The following WWOX variants were observed in gnomAD, a reference collection of about 807,000 sequenced individuals.
WWOX encodes WW domain-containing oxidoreductase.
A neutral mutation model predicts 46.2 loss-of-function variants in WWOX; 69 were observed. The observed-to-expected ratio is 1.49, with a 90% confidence interval of 1.23 to 1.82. The LOEUF (loss-of-function observed/expected upper bound fraction) is 1.82, where lower values mean the gene tolerates loss of function less well. Ranked by LOEUF, WWOX falls within the 40% of genes most tolerant of loss-of-function variation. The probability of loss-of-function intolerance (pLI) is 0.00; values close to 1 mark genes in which losing one functional copy is unlikely to be tolerated. For synonymous variants in WWOX, 359 were observed against 202.6 expected, an observed-to-expected ratio of 1.77 and a Z score of -6.56; for missense variants, 919 against 542.6, an observed-to-expected ratio of 1.69 and a Z score of -6.89.
At chr16:78,189,192 G>C (rs1008650131) in intron 5 of WWOX, among the ~76,000 whole-genome samples, 4 of 152,180 alleles carry the variant, frequency 2.6e-5, no homozygotes, top group Admixed American at 2.6e-4. Flanking sequence ...GGAATACCTA[G>C]ATTCCAGAGG....
Position 78,584,204 on chromosome 16 carries a change from C to T in WWOX, c.1056+151452C>T, listed in dbSNP as rs191001574. 2.0e-4 allele frequency among the ~76,000 whole-genome samples: 30 copies of T among 152,310 alleles called. No homozygotes were observed. In the East Asian group the frequency reaches 5.4e-3, roughly 27 times the overall value. ...CAAGGCCTGGCATAATCATTGTCAT[C>T]ACCATCACCATAGCTAGTATTTATT... On this transcript the variant is annotated intron_variant, in intron 8 of 8. Coordinates refer to ENST00000566780, the MANE Select transcript of WWOX (RefSeq NM_016373.4).
intron 8 of WWOX, among the ~76,000 whole-genome samples, chr16:78,919,883 C>T (rs918339897): frequency 2.0e-5 from 3 of 152,094 alleles, no homozygotes; most frequent in African/African-American, 7.2e-5. Context: ...GCAGACCAGT[C>T]TGTACAGTTG....
At chr16:78,876,029 A>G (rs912020077) in intron 8 of WWOX, among the ~76,000 whole-genome samples, 1 of 152,116 alleles carries the variant, frequency 6.6e-6, no homozygotes, top group Non-Finnish European at 1.5e-5. Flanking sequence ...TTTTATAAAC[A>G]GGCTCCATGG....
chr16:78,161,666 GC>G (rs1395407616), intron 4 of WWOX, among the ~76,000 whole-genome samples: 2 of 152,058 alleles, frequency 1.3e-5, no homozygotes, highest in African/African-American at 4.8e-5. Flanking sequence ...TGTTGCCCAA[GC>G]TGGTCACAAG....
chr16:78,384,259 G>A (rs781441113), intron 5 of WWOX, among the ~76,000 whole-genome samples: 57 of 152,084 alleles, frequency 3.7e-4, no homozygotes, highest in Admixed American at 1.5e-3. Context: ...TCACATTTCT[G>A]TAAGATTCTG....
intron 8 of WWOX, among the ~76,000 whole-genome samples, chr16:78,677,573 C>A (rs1357452230): frequency 6.6e-6 from 1 of 152,198 alleles, no homozygotes; most frequent in Non-Finnish European, 1.5e-5. Flanking sequence ...TTCAGACATG[C>A]AACCCCCAAA....
At chr16:78,663,822 C>G (rs1474077356) in intron 8 of WWOX, among the ~76,000 whole-genome samples, 1 of 152,146 alleles carries the variant, frequency 6.6e-6, no homozygotes, top group East Asian at 1.9e-4. Context: ...AAATCTCAAG[C>G]ACAGGTGCAG....
chr16:78,512,972 A>T (rs1356803652), intron 8 of WWOX, among the ~76,000 whole-genome samples: 2 of 152,236 alleles, frequency 1.3e-5, no homozygotes, highest in African/African-American at 4.8e-5. Context: ...GCTGTGGGTC[A>T]TCACAGCTGC....
chr16:79,026,360 C>G (rs903590670), intron 8 of WWOX, among the ~76,000 whole-genome samples: 1 of 151,692 alleles, frequency 6.6e-6, no homozygotes, highest in Non-Finnish European at 1.5e-5. Context: ...CAGATCTCAG[C>G]TCACACATCA....
intron 5 of WWOX, among the ~76,000 whole-genome samples, chr16:78,257,031 C>A (rs900638367): frequency 6.6e-6 from 1 of 151,964 alleles, no homozygotes; most frequent in Non-Finnish European, 1.5e-5. Context: ...GACTTGAGGC[C>A]GTGTCTTTTA....
chr16:78,786,713 A>G (rs1355492853), intron 8 of WWOX, among the ~76,000 whole-genome samples: 2 of 152,226 alleles, frequency 1.3e-5, no homozygotes, highest in African/African-American at 2.4e-5. Context: ...AGTTTGTCAT[A>G]TCACTCAATC....
intron 8 of WWOX, among the ~76,000 whole-genome samples, chr16:79,131,535 A>G (rs1023792182): frequency 2.0e-5 from 3 of 152,196 alleles, no homozygotes; most frequent in African/African-American, 7.2e-5. Flanking sequence ...GTTGAGTGCA[A>G]GACGGGGACA....
chr16:78,741,734 A>C (rs2049232885), intron 8 of WWOX, among the ~76,000 whole-genome samples: 2 of 152,128 alleles, frequency 1.3e-5, no homozygotes, highest in Non-Finnish European at 2.9e-5. Flanking sequence ...GGTGCTCTGT[A>C]GTCTCAGCTA....
intron 5 of WWOX, among the ~76,000 whole-genome samples, chr16:78,271,947 A>T (rs1196081993): frequency 6.6e-6 from 1 of 152,194 alleles, no homozygotes; most frequent in South Asian, 2.1e-4. Context: ...CAGCCAGGTC[A>T]GGCAGATGGA....
chr16:78,443,838 T>C (rs1749856756), intron 8 of WWOX, among the ~76,000 whole-genome samples: 1 of 152,186 alleles, frequency 6.6e-6, no homozygotes, highest in African/African-American at 2.4e-5. Flanking sequence ...TCCTCCCCTC[T>C]TTCAGTTTCC....
chr16:78,400,218 C>T (rs1051881473), intron 6 of WWOX, among the ~76,000 whole-genome samples: 1 of 152,080 alleles, frequency 6.6e-6, no homozygotes, highest in Admixed American at 6.6e-5. Flanking sequence ...TAATTTATAA[C>T]CAAAAACAGG....
intron 8 of WWOX, among the ~76,000 whole-genome samples, chr16:78,490,569 GAGAA>G (rs2084757434): frequency 6.6e-6 from 1 of 152,184 alleles, no homozygotes; most frequent in Admixed American, 6.5e-5. Context: ...TGGGACGGAG[GAGAA>G]AGAAGACAGG....
chr16:78,935,796 C>G (rs965112964), intron 8 of WWOX, among the ~76,000 whole-genome samples: 1 of 152,030 alleles, frequency 6.6e-6, no homozygotes, highest in African/African-American at 2.4e-5. Context: ...GCCTGTACCC[C>G]AGCTACTTGG....
intron 8 of WWOX, among the ~76,000 whole-genome samples, chr16:79,127,992 GAA>G (rs2049795014): frequency 6.6e-6 from 1 of 152,194 alleles, no homozygotes; most frequent in Admixed American, 6.5e-5. Context: ...AAGAGAGAGA[GAA>G]AGTGCATGGC....
Sources: gnomAD v4.1 joint callset for allele counts (sites outside exome capture counted in the v4.1 genomes callset) on GRCh38, gnomAD v4.1.1 for gene constraint, MANE v1.5 for transcripts, NCBI Gene and HGNC (gene_info 2026-07-23, HGNC 2026-07-21) for gene names.